C1QTNF6: variants seen among roughly 807,000 people sequenced by gnomAD.
The protein encoded by C1QTNF6 is complement C1q tumor necrosis factor-related protein 6.
Under a neutral mutation model 20.7 loss-of-function variants are expected in C1QTNF6, and 17 were observed. The ratio of observed to expected loss-of-function variants is 0.82; its 90% CI spans 0.56 to 1.23. The LOEUF is 1.23. C1QTNF6 is among the 50% of genes most tolerant of loss of function. The pLI is 0.00. For missense variants in C1QTNF6, 329 were observed against 389.7 expected (o/e 0.84, Z 1.31); for synonymous variants, 130 against 156.3 (o/e 0.83, Z 1.25).
At chr22:37,183,366 T>C (rs921758213) in intron 2 of C1QTNF6, among the ~76,000 whole-genome samples, 5 of 152,188 alleles carry the variant, frequency 3.3e-5, no homozygotes, top group Non-Finnish European at 7.3e-5. Context: ...GGGAAAGCAC[T>C]TTGCAAACTC....
chr22:37,185,249 G>A lies in C1QTNF6; in HGVS notation c.258C>T (p.Ile86=), dbSNP rs1924194816. 7.5e-6 allele frequency: 12 copies of A among 1,595,590 alleles called. No homozygotes were observed. Among genetic ancestry groups the A allele is most frequent in the Non-Finnish European group, 1.0e-5 (12 of 1,169,084 alleles). The change falls in exon 2 of 3, where the codon ATC becomes ATT. Residue 86 remains isoleucine, a synonymous_variant. Coordinates refer to ENST00000337843, the MANE Select transcript of C1QTNF6 (RefSeq NM_031910.4). ...SSGRPHALPE[I]RPYINITILK... ...GGATGGTGATATTAATGTAGGGTCT[G>A]ATCTCAGGCAGGGCGTGGGGGCGGC...
rs756293028 is a variant in C1QTNF6, at chr22:37,182,698, C to A, written c.327G>T (p.Gly109=). Reference sequence around the variant, plus strand: ...CTTGGGGACCCTCCCTGCCCATGTACCCTGGCAGGCCCATTGGGCCTGGGT... The same window carrying A: ...CTTGGGGACCCTCCCTGCCCATGTAACCTGGCAGGCCCATTGGGCCTGGGT... The part of the protein sequence containing the change: ...KGDPGPMGLP[G]YMGREGPQGE... The change falls in exon 3 of 3, where the codon GGG becomes GGT. Residue 109 remains glycine (G), a synonymous_variant. Transcript: ENST00000337843. The A allele has an allele frequency of 9.5e-5, 153 of 1,612,040 alleles. 1 individual carries two copies. The Admixed American group carries it at 2.5e-3, about 27-fold the overall frequency.
chr22:37,186,942 G>A (rs947878111), intron 1 of C1QTNF6, among the ~76,000 whole-genome samples: 1 of 152,204 alleles, frequency 6.6e-6, no homozygotes, highest in African/African-American at 2.4e-5. Context: ...ATGGCCAGGT[G>A]CAGTGACTTA....
chr22:37,189,053 G>A (rs935864674), upstream of C1QTNF6, among the ~76,000 whole-genome samples: 2 of 152,198 alleles, frequency 1.3e-5, no homozygotes, highest in African/African-American at 2.4e-5. Context: ...AACAGGGGTG[G>A]ATTATTCATG....
rs1028016275 is a variant in C1QTNF6, at chr22:37,180,654, G to A, written c.*1534C>T. Reference sequence around the variant, plus strand: ...CCTTAGCACCTTGATAAAGCCTGGAGAGTCGGGGCACTGGGCCGGTGAGAG... The same window carrying A: ...CCTTAGCACCTTGATAAAGCCTGGAAAGTCGGGGCACTGGGCCGGTGAGAG... On this transcript the variant is annotated 3_prime_UTR_variant, in exon 3 of 3. Transcript: ENST00000337843. The A allele has an allele frequency of 6.5e-6, 1 of 152,722 alleles. No individual in the cohort carries two copies. The highest frequency in any genetic ancestry group is 1.5e-5 in the Non-Finnish European group (1 of 68,416). 9.5% of individuals were successfully genotyped at this position (152,722 alleles called of 1,614,324 possible).
chr22:37,190,633 C>T (rs1326455002), upstream of C1QTNF6: 1 of 151,698 alleles, frequency 6.6e-6, no homozygotes, highest in Non-Finnish European at 1.5e-5. Context: ...AAGCATGCCA[C>T]TCGAGTCAAA....
Position 37,184,733 on chromosome 22 carries a change from G to A in C1QTNF6, c.289+485C>T, listed in dbSNP as rs943996616. Among the ~76,000 whole-genome samples the A allele has an allele frequency of 6.6e-6, 1 of 152,108 alleles. No individual in the cohort carries two copies. Among genetic ancestry groups the A allele is most frequent in the Admixed American group, 6.5e-5 (1 of 15,282 alleles). Reference sequence around the variant, plus strand: ...GCCCAAGTCCCTACAGTAGCCGGGTGGTGACAGCACCCCATGTGATCTGAG... The same window carrying A: ...GCCCAAGTCCCTACAGTAGCCGGGTAGTGACAGCACCCCATGTGATCTGAG... On this transcript the variant is annotated intron_variant, in intron 2 of 2. Transcript: ENST00000337843. This position sits in a 1 kb window ranked among gnomAD's most constrained non-coding sequence, Gnocchi z 4.0.
rs1293122671 is a variant in C1QTNF6, at chr22:37,186,708, G to A, written c.52-1253C>T. Among the ~76,000 whole-genome samples the A allele has an allele frequency of 2.0e-5, 3 of 152,324 alleles. No individual in the cohort carries two copies. The South Asian group carries it at 6.2e-4, about 32-fold the overall frequency. On this transcript the variant is annotated intron_variant, in intron 1 of 2. Coordinates refer to ENST00000337843, the MANE Select transcript of C1QTNF6 (RefSeq NM_031910.4). ...GGTGCAGCTTCTGGGGGCTGGTGCC[G>A]AGTTATCACAGGATCAGAAACTCTG...
chr22:37,193,517 A>G lies in C1QTNF6; in HGVS notation n.225-1780T>C, dbSNP rs1238390947. ...TCAGAAAAATAAGAGCCAAGAAGAG[A>G]AAAAAAAGCATAAAGGCCTTTTAAA... On this transcript the variant is annotated intron_variant and non_coding_transcript_variant, in intron 2 of 4. Transcript: ENST00000467564. Among the ~76,000 whole-genome samples the G allele has an allele frequency of 4.6e-5, 7 of 151,998 alleles. No individual in the cohort carries two copies. The South Asian group carries it at 8.3e-4, about 18-fold the overall frequency.
intron 2 of C1QTNF6, among the ~76,000 whole-genome samples, chr22:37,183,962 A>G (rs956551595): frequency 2.0e-5 from 3 of 152,160 alleles, no homozygotes; most frequent in African/African-American, 7.2e-5. Flanking sequence ...AGGACTCCCA[A>G]AGCCAGCCCG....
upstream of C1QTNF6, among the ~76,000 whole-genome samples, chr22:37,192,579 A>C (rs1340637926): frequency 6.6e-6 from 1 of 152,240 alleles, no homozygotes; most frequent in Non-Finnish European, 1.5e-5. Context: ...CCTAATTTAG[A>C]CCAAATGTCT....
Position 37,185,410 on chromosome 22 carries a change from G to T in C1QTNF6, c.97C>A (p.Leu33Met). 6.2e-7 allele frequency: 1 copy of T among 1,612,648 alleles called. No homozygotes were observed. The highest frequency in any genetic ancestry group is 8.5e-7 in the Non-Finnish European group (1 of 1,179,390). Reference protein sequence around the residue: ...AALGPVWAALLLFLLMCEIPM... With the variant: ...AALGPVWAALMLFLLMCEIPM... ...ATCTCACACATCAGGAGAAAGAGCA[G>T]GAGCGCTGCCCAGACGGGACCCAGG... Residue 33 changes from leucine (L) to methionine (M), a missense_variant, in exon 2 of 3, where the codon CTG becomes ATG. Physicochemically the swap from Leu to Met is conservative, Grantham distance 15. Coordinates refer to ENST00000337843, the MANE Select transcript of C1QTNF6 (RefSeq NM_031910.4).
chr22:37,192,683 T>C (rs1480402954), upstream of C1QTNF6, among the ~76,000 whole-genome samples: 1 of 152,264 alleles, frequency 6.6e-6, no homozygotes. Context: ...AAGGCATTAA[T>C]GTTTCTATTT....
chr22:37,197,039 T>A (rs1270567643), intron 1 of C1QTNF6: 1 of 152,262 alleles, frequency 6.6e-6, no homozygotes, highest in Non-Finnish European at 1.5e-5. Context: ...AAAGGTCACA[T>A]GGCAGACTAC....
chr22:37,185,539 C>A, intron 1 of C1QTNF6, 84 bp from the exon 2 acceptor site: 1 of 1,443,566 alleles, frequency 6.9e-7, no homozygotes, highest in East Asian at 2.5e-5. Context: ...GGTGCTGCGT[C>A]CTCCAGCCAC....
In C1QTNF6 at chr22:37,182,343, T is replaced by TGCTGCGCTCGCTGG. The variant is rs1569062467; in HGVS notation, c.668_681dup (p.Ile228ProfsTer12). On this transcript the variant is annotated frameshift_variant, in exon 3 of 3. Transcript: ENST00000337843. LOFTEE classifies it high-confidence loss of function. ...AGCATCACACTCTGGCTCTGCATGA[T>TGCTGCGCTCGCTGG]GCTGCGCTCGCTGGGCTGCGCGTAC... The TGCTGCGCTCGCTGG allele has an allele frequency of 6.2e-7, 1 of 1,614,270 alleles. No homozygotes were observed. The highest frequency in any genetic ancestry group is 1.7e-5 in the Admixed American group (1 of 60,036).
upstream of C1QTNF6, among the ~76,000 whole-genome samples, chr22:37,189,571 T>C (rs949871227): frequency 6.6e-6 from 1 of 152,214 alleles, no homozygotes; most frequent in African/African-American, 2.4e-5. Context: ...TCAGGCTGAA[T>C]AGAGGCGATG....
At chr22:37,194,763 T>C (rs1468800724) in intron 2 of C1QTNF6, among the ~76,000 whole-genome samples, 2 of 152,214 alleles carry the variant, frequency 1.3e-5, no homozygotes, top group East Asian at 3.8e-4. Flanking sequence ...GCCCTTGTCA[T>C]CTTTGATCCA....
At chr22:37,194,039 A>T (rs1382874013) in intron 2 of C1QTNF6, among the ~76,000 whole-genome samples, 4 of 152,182 alleles carry the variant, frequency 2.6e-5, no homozygotes, top group African/African-American at 9.7e-5. Context: ...GACAATTTTT[A>T]GGGCTATCAC....
Sources: gnomAD v4.1 joint callset for allele counts (sites outside exome capture counted in the v4.1 genomes callset) on GRCh38, gnomAD v4.1.1 for gene constraint, Gnocchi (gnomAD v3.1) non-coding constraint, MANE v1.5 for transcripts, NCBI Gene and HGNC (gene_info 2026-07-23, HGNC 2026-07-21) for gene names.